The following EPC1 variants were observed in gnomAD, a reference collection of about 807,000 sequenced individuals.
EPC1 encodes enhancer of polycomb homolog 1.
EPC1 carries 12 observed loss-of-function variants against 98.4 expected under a neutral mutation model. That is an observed-to-expected ratio of 0.12 (90% CI 0.08 to 0.20). EPC1 has a LOEUF of 0.20. EPC1 is among the 10% of genes least tolerant of loss of function. EPC1 has a pLI of 1.00. For synonymous variants in EPC1, 357 were observed against 363.9 expected (o/e 0.98, Z 0.21); for missense variants, 729 against 990.5 (o/e 0.74, Z 3.54).
At chr10:32,343,693 T>TGG (rs1554824210) in intron 1 of EPC1, among the ~76,000 whole-genome samples, 1 of 25,056 alleles carries the variant, frequency 4.0e-5, no homozygotes, top group African/African-American at 1.5e-4. Context: ...CCAAATTATT[T>TGG]TGGGGGGGGG....
intron 2 of EPC1, among the ~76,000 whole-genome samples, chr10:32,300,346 T>C (rs971245631): frequency 6.6e-6 from 1 of 151,486 alleles, no homozygotes; most frequent in African/African-American, 2.4e-5. Flanking sequence ...CTGCACCCAT[T>C]AACTCGTCAT....
At chr10:32,323,592 G>C (rs1837072632) in intron 1 of EPC1, among the ~76,000 whole-genome samples, 1 of 152,210 alleles carries the variant, frequency 6.6e-6, no homozygotes, top group South Asian at 2.1e-4. Context: ...ACAATGATCA[G>C]AAATCTGAAT....
At chr10:32,302,794 T>C (rs1391207287) in intron 2 of EPC1, among the ~76,000 whole-genome samples, 1 of 151,898 alleles carries the variant, frequency 6.6e-6, no homozygotes, top group African/African-American at 2.4e-5. Context: ...AAAAGTACAA[T>C]AAGATATTAC....
chr10:32,270,362 A>G (rs1479537408), intron 13 of EPC1, among the ~76,000 whole-genome samples: 2 of 152,312 alleles, frequency 1.3e-5, no homozygotes, highest in Non-Finnish European at 2.9e-5. Context: ...TTTCTCCCAC[A>G]GTACCTTGTA....
chr10:32,371,479 A>G (rs1463884938), intron 1 of EPC1, among the ~76,000 whole-genome samples: 1 of 152,218 alleles, frequency 6.6e-6, no homozygotes. Flanking sequence ...ACTAAACTCT[A>G]CTTTTACCTA....
intron 1 of EPC1, among the ~76,000 whole-genome samples, chr10:32,309,117 T>C (rs901886640): frequency 2.0e-5 from 3 of 152,032 alleles, no homozygotes; most frequent in South Asian, 2.1e-4. Flanking sequence ...ATTAAAACAA[T>C]AGAAGGGTAC....
chr10:32,341,074 A>G (rs1838312206), intron 1 of EPC1, among the ~76,000 whole-genome samples: 1 of 152,218 alleles, frequency 6.6e-6, no homozygotes, highest in Non-Finnish European at 1.5e-5. Context: ...CTGAATTACA[A>G]TATAAAATTC....
At chr10:32,279,364 G>GA (rs1304274742) in intron 10 of EPC1, among the ~76,000 whole-genome samples, 4 of 145,216 alleles carry the variant, frequency 2.8e-5, no homozygotes, top group Non-Finnish European at 6.1e-5. Context: ...AAAAAAAAAA[G>GA]AAAAAAAACT....
chr10:32,334,523 A>AT (rs1837839342), intron 1 of EPC1, among the ~76,000 whole-genome samples: 2 of 152,144 alleles, frequency 1.3e-5, no homozygotes, highest in African/African-American at 4.8e-5. Flanking sequence ...ACAAATGGTG[A>AT]TGTCAATGAA....
chr10:32,365,526 C>T (rs1409397438), intron 1 of EPC1, among the ~76,000 whole-genome samples: 2 of 152,048 alleles, frequency 1.3e-5, no homozygotes, highest in African/African-American at 4.8e-5. Flanking sequence ...ATGAAGAGTA[C>T]ATTTAGGCCG....
chr10:32,360,270 T>C (rs1181590567), intron 1 of EPC1, among the ~76,000 whole-genome samples: 2 of 152,234 alleles, frequency 1.3e-5, no homozygotes, highest in Non-Finnish European at 2.9e-5. Flanking sequence ...TTTTGTATCA[T>C]GTATATGTCT....
At chr10:32,280,794 G>A (rs1302745127) in intron 10 of EPC1, among the ~76,000 whole-genome samples, 2 of 152,052 alleles carry the variant, frequency 1.3e-5, no homozygotes, top group East Asian at 1.9e-4. Context: ...ACTATAACTC[G>A]CATATTTGGC....
intron 1 of EPC1, among the ~76,000 whole-genome samples, chr10:32,329,237 T>G (rs1837494458): frequency 2.0e-5 from 3 of 152,154 alleles, no homozygotes; most frequent in Admixed American, 1.3e-4. Context: ...TTTCCAGCGC[T>G]CTCTTTCCTC....
chr10:32,313,525 C>T (rs756027383), intron 1 of EPC1, among the ~76,000 whole-genome samples: 4 of 152,210 alleles, frequency 2.6e-5, no homozygotes, highest in Admixed American at 1.3e-4. Context: ...GAGACTATCG[C>T]TTTATCAGTG....
chr10:32,337,658 TA>T (rs1483806052), intron 1 of EPC1, among the ~76,000 whole-genome samples: 2 of 152,254 alleles, frequency 1.3e-5, no homozygotes, highest in African/African-American at 4.8e-5. Flanking sequence ...TGGAACTTTG[TA>T]ACTAATTTTT....
At chr10:32,310,204 A>G (rs2132844352) in intron 1 of EPC1, among the ~76,000 whole-genome samples, 1 of 152,278 alleles carries the variant, frequency 6.6e-6, no homozygotes, top group Non-Finnish European at 1.5e-5. Context: ...CAAAAAAAGA[A>G]AAAATAAAGA....
At chr10:32,312,848 A>C (rs1227950595) in intron 1 of EPC1, among the ~76,000 whole-genome samples, 2 of 152,212 alleles carry the variant, frequency 1.3e-5, no homozygotes, top group Non-Finnish European at 2.9e-5. Flanking sequence ...TTCAGTAGGA[A>C]GAAGATGCAA....
Position 32,346,790 on chromosome 10 carries a change from G to C in EPC1, c.126C>G (p.Pro42=). ...ASINRAVPQM[P]TGMEKEEESE... is the part of the protein sequence containing the mutation. ...ACTCCTCTTCCTTCTCCATTCCGGT[G>C]GGCATCTGCGGCACGGCCCTGTTTA... Residue 42 remains proline (P), a synonymous_variant, in exon 1 of 14, where the codon CCC becomes CCG. Coordinates refer to ENST00000319778, the MANE Select transcript of EPC1 (RefSeq NM_001272004.3). The C allele has an allele frequency of 6.2e-7, 1 of 1,614,144 alleles. No homozygotes were observed. Among genetic ancestry groups the C allele is most frequent in the Non-Finnish European group, 8.5e-7 (1 of 1,180,000 alleles).
chr10:32,327,311 G>A (rs568265157), intron 1 of EPC1, among the ~76,000 whole-genome samples: 1 of 152,286 alleles, frequency 6.6e-6, no homozygotes, highest in East Asian at 1.9e-4. Context: ...GATATCAGGA[G>A]GGACGGGAAA....
Sources: allele counts gnomAD v4.1 joint callset (sites outside exome capture counted in the v4.1 genomes callset), GRCh38; gene constraint gnomAD v4.1.1; transcripts MANE v1.5; gene names NCBI Gene and HGNC (gene_info 2026-07-23, HGNC 2026-07-21).